Variants in ZNF385D observed in about 807,000 individuals in gnomAD.
ZNF385D encodes zinc finger protein 385D, also known as zinc finger protein 659.
A neutral mutation model predicts 35.8 loss-of-function variants in ZNF385D; 15 were observed. The observed-to-expected ratio is 0.42, with a 90% CI of 0.28 to 0.64. The LOEUF (loss-of-function observed/expected upper bound fraction) is 0.64, where lower values mean the gene tolerates loss of function less well. Among genes scored for constraint, ZNF385D ranks in the 30% least tolerant of loss-of-function variants. The pLI is 0.23. For synonymous variants in ZNF385D, 212 were observed against 186.8 expected (o/e 1.13, Z -1.10); for missense variants, 474 against 494.6 (o/e 0.96, Z 0.39).
intron 3 of ZNF385D, among the ~76,000 whole-genome samples, chr3:22,092,494 T>C (rs570149534): frequency 7.2e-5 from 11 of 152,250 alleles, no homozygotes; most frequent in South Asian, 2.1e-4. Flanking sequence ...TCTACTGATA[T>C]CTTCCTGAGT....
At chr3:22,018,440 G>T (rs371979330) in intron 3 of ZNF385D, among the ~76,000 whole-genome samples, 1 of 151,648 alleles carries the variant, frequency 6.6e-6, no homozygotes, top group African/African-American at 2.4e-5. Context: ...TACCTTCAAA[G>T]ATATTAATAT....
intron 2 of ZNF385D, among the ~76,000 whole-genome samples, chr3:22,363,786 A>G (rs1421477115): frequency 6.6e-6 from 1 of 152,092 alleles, no homozygotes; most frequent in Non-Finnish European, 1.5e-5. Flanking sequence ...GAGTGTCTCA[A>G]TGCTTCACTT....
chr3:22,350,559 A>G (rs1421109005), intron 2 of ZNF385D, among the ~76,000 whole-genome samples: 1 of 152,042 alleles, frequency 6.6e-6, no homozygotes, highest in African/African-American at 2.4e-5. Flanking sequence ...TCTTAATTCA[A>G]TTAATATTTG....
intron 3 of ZNF385D, among the ~76,000 whole-genome samples, chr3:22,164,781 TG>T (rs537626125): frequency 2.2e-4 from 33 of 152,212 alleles, no homozygotes; most frequent in African/African-American, 7.9e-4. Context: ...GGCTGTGTTA[TG>T]GGAAACAAAG....
intron 3 of ZNF385D, among the ~76,000 whole-genome samples, chr3:21,895,227 A>G (rs899938665): frequency 4.6e-5 from 7 of 152,026 alleles, no homozygotes; most frequent in African/African-American, 1.4e-4. Context: ...AGTATATTCA[A>G]AAAGATAGGA....
intron 2 of ZNF385D, among the ~76,000 whole-genome samples, chr3:22,189,283 A>G (rs1275411339): frequency 6.6e-6 from 1 of 152,144 alleles, no homozygotes; most frequent in African/African-American, 2.4e-5. Flanking sequence ...CCTCTTACAT[A>G]TCCAGAATGG....
At chr3:22,180,176 A>G (rs1695136884) in intron 2 of ZNF385D, among the ~76,000 whole-genome samples, 1 of 152,260 alleles carries the variant, frequency 6.6e-6, no homozygotes, top group South Asian at 2.1e-4. Flanking sequence ...CAAGTAAACT[A>G]GAAATCTGGA....
chr3:21,508,783 C>A (rs1196010072), intron 4 of ZNF385D, among the ~76,000 whole-genome samples: 2 of 152,158 alleles, frequency 1.3e-5, no homozygotes, highest in Non-Finnish European at 2.9e-5. Context: ...GGAATACTGA[C>A]TTCCATTCTT....
Position 21,701,141 on chromosome 3 carries a change from G to A in ZNF385D, c.23-36113C>T, listed in dbSNP as rs560602521. Among the ~76,000 whole-genome samples the A allele has an allele frequency of 5.3e-5, 8 of 152,268 alleles. No individual in the cohort carries two copies. The South Asian group carries it at 1.7e-3, about 32-fold the overall frequency. On this transcript the variant is annotated intron_variant, in intron 1 of 7. Coordinates refer to ENST00000281523, the MANE Select transcript of ZNF385D (RefSeq NM_024697.3). ...TATGACCCTCTACCAAACCTTCTGT[G>A]AGACAGCACTCTGCAGGTATGTGTT...
At chr3:22,334,776 A>G (rs1410423914) in intron 2 of ZNF385D, among the ~76,000 whole-genome samples, 2 of 152,138 alleles carry the variant, frequency 1.3e-5, no homozygotes, top group African/African-American at 4.8e-5. Context: ...ATGTGCATCC[A>G]TGAATAAGCT....
At chr3:21,880,549 G>A (rs1345012568) in intron 3 of ZNF385D, among the ~76,000 whole-genome samples, 1 of 151,928 alleles carries the variant, frequency 6.6e-6, no homozygotes, top group African/African-American at 2.4e-5. Flanking sequence ...GTCGACCCAT[G>A]TCTCTCTCCC....
At chr3:21,732,425 C>T (rs776023574) in intron 1 of ZNF385D, among the ~76,000 whole-genome samples, 5 of 152,032 alleles carry the variant, frequency 3.3e-5, no homozygotes, top group Admixed American at 2.6e-4. Flanking sequence ...ATTCCTGGAT[C>T]ATATGGTAAA....
intron 3 of ZNF385D, among the ~76,000 whole-genome samples, chr3:22,115,803 A>C (rs1271183360): frequency 3.9e-5 from 6 of 152,128 alleles, no homozygotes; most frequent in Non-Finnish European, 7.4e-5. Flanking sequence ...AATCATCATC[A>C]GGAAAAACCG....
At chr3:21,835,986 T>C (rs1304420145) in intron 3 of ZNF385D, among the ~76,000 whole-genome samples, 3 of 151,972 alleles carry the variant, frequency 2.0e-5, no homozygotes, top group Non-Finnish European at 4.4e-5. Context: ...GAATAGTCTA[T>C]AGATGTCTGG....
chr3:22,014,668 A>T (rs1295672755), intron 3 of ZNF385D, among the ~76,000 whole-genome samples: 1 of 151,914 alleles, frequency 6.6e-6, no homozygotes, highest in African/African-American at 2.4e-5. Context: ...ATGTGCAAGC[A>T]AATTGAATAA....
intron 2 of ZNF385D, among the ~76,000 whole-genome samples, chr3:21,653,499 A>G (rs958452978): frequency 9.2e-5 from 14 of 152,098 alleles, no homozygotes; most frequent in Admixed American, 2.0e-4. Context: ...GCATAAACAT[A>G]TGTATACATA....
At chr3:21,920,571 T>G (rs1406050211) in intron 3 of ZNF385D, among the ~76,000 whole-genome samples, 3 of 150,496 alleles carry the variant, frequency 2.0e-5, no homozygotes, top group Admixed American at 1.3e-4. Flanking sequence ...CTGAGATCAT[T>G]CTGGAAGAAT....
At chr3:21,525,458 C>A (rs1392292609) in intron 3 of ZNF385D, among the ~76,000 whole-genome samples, 1 of 151,832 alleles carries the variant, frequency 6.6e-6, no homozygotes, top group Admixed American at 6.6e-5. Context: ...GAAGCCGAGG[C>A]GGGCAGATCA....
At chr3:22,178,667 A>T (rs1254223451) in intron 2 of ZNF385D, among the ~76,000 whole-genome samples, 2 of 152,142 alleles carry the variant, frequency 1.3e-5, no homozygotes, top group African/African-American at 4.8e-5. Context: ...CCCCATGCCT[A>T]TGTCCTGAAT....
Sources: allele counts gnomAD v4.1 joint callset (sites outside exome capture counted in the v4.1 genomes callset), GRCh38; gene constraint gnomAD v4.1.1; transcripts MANE v1.5; gene names NCBI Gene and HGNC (gene_info 2026-07-23, HGNC 2026-07-21).